Variants in KHK observed in about 807,000 individuals in gnomAD.
The protein encoded by KHK is ketohexokinase, also known as fructokinase.
A neutral mutation model predicts 36.0 loss-of-function variants in KHK; 37 were observed. The observed-to-expected ratio is 1.03, with a 90% confidence interval of 0.79 to 1.35. The LOEUF is 1.35. KHK is among the 40% of genes most tolerant of loss of function. The probability of loss-of-function intolerance (pLI) is 0.00; values close to 1 mark genes in which losing one functional copy is unlikely to be tolerated. For missense variants in KHK, 395 were observed against 391.9 expected (o/e 1.01, Z -0.07); for synonymous variants, 161 against 162.8 (o/e 0.99, Z 0.08).
intron 3 of KHK, 110 bp from the exon 4 acceptor site, chr2:27,096,619 C>A: frequency 1.2e-6 from 1 of 860,666 alleles, no homozygotes; most frequent in South Asian, 1.3e-5. Flanking sequence ...AGCTTCCTGT[C>A]ATGCTGCCAG....
intron 3 of KHK, 123 bp from the exon 4 acceptor site, chr2:27,096,606 T>C: frequency 1.2e-6 from 1 of 803,784 alleles, no homozygotes; most frequent in South Asian, 1.4e-5. Flanking sequence ...GTGCTGTGGA[T>C]CCAGCTTCCT....
chr2:27,094,683 C>T, intron 2 of KHK, 117 bp from the exon 3 acceptor site: 2 of 1,613,192 alleles, frequency 1.2e-6, no homozygotes, highest in Middle Eastern at 1.6e-4. Flanking sequence ...GACTCTTCTT[C>T]TCTTAGAGGC....
intron 5 of KHK, chr2:27,098,920 C>T (rs1670589378): frequency 2.3e-6 from 1 of 438,314 alleles, no homozygotes; most frequent in Non-Finnish European, 4.3e-6. Flanking sequence ...TGCTTCTGGC[C>T]AGGTGCAGTG....
intron 1 of KHK, 33 bp from the exon 2 acceptor site, chr2:27,092,299 T>A (rs1670057595): frequency 6.5e-7 from 1 of 1,540,440 alleles, no homozygotes. Flanking sequence ...ATCAGCCTGC[T>A]GGGGCTGCAG....
chr2:27,091,577 A>C (rs1382808994), intron 1 of KHK, among the ~76,000 whole-genome samples: 4 of 152,200 alleles, frequency 2.6e-5, no homozygotes, highest in South Asian at 2.1e-4. Context: ...AATAGAAATA[A>C]CACCACCATT....
Position 27,094,946 on chromosome 2 carries a change from G to A in KHK, c.344+12G>A, listed in dbSNP as rs201152199. On this transcript the variant is annotated intron_variant, in intron 3 of 7. Transcript: ENST00000260598. ...GTGCTCCATGACACGTAAGGCCCCC[G>A]GGCCTCGCCCTGCTACAACCCACCA... 49 of 1,613,666 alleles carry A rather than the reference G, an allele frequency of 3.0e-5. No homozygotes were observed. Among genetic ancestry groups the A allele is most frequent in the East Asian group, 1.1e-4 (5 of 44,878 alleles).
chr2:27,099,139 G>C, intron 5 of KHK, 57 bp from the exon 6 acceptor site: 11 of 1,508,054 alleles, frequency 7.3e-6, no homozygotes, highest in Non-Finnish European at 9.2e-6. Context: ...ACGCTAGGCT[G>C]CTGTTGGTGA....
intron 2 of KHK, among the ~76,000 whole-genome samples, chr2:27,093,893 T>G (rs764474163): frequency 6.6e-6 from 1 of 152,170 alleles, no homozygotes; most frequent in Non-Finnish European, 1.5e-5. Flanking sequence ...TTCACCTGGC[T>G]GCAGGAGGAC....
At chr2:27,091,596 A>G (rs1029283467) in intron 1 of KHK, among the ~76,000 whole-genome samples, 11 of 152,202 alleles carry the variant, frequency 7.2e-5, no homozygotes, top group Non-Finnish European at 7.3e-5. Flanking sequence ...TTCTTACCTC[A>G]AAGGTAATAA....
chr2:27,097,682 T>C, intron 5 of KHK, 33 bp downstream of exon 5: 1 of 1,613,824 alleles, frequency 6.2e-7, no homozygotes, highest in Non-Finnish European at 8.5e-7. Flanking sequence ...CTTTGCCACT[T>C]CCAGCTAATT....
Position 27,088,626 on chromosome 2 carries a change from G to C in KHK, c.92+1275G>C, listed in dbSNP as rs1305155377. 2.0e-5 allele frequency among the ~76,000 whole-genome samples: 3 copies of C among 151,618 alleles called. No homozygotes were observed. The East Asian group carries it at 5.8e-4, about 29-fold the overall frequency. On this transcript the variant is annotated intron_variant, in intron 1 of 7. Transcript: ENST00000260598. ...ACAGGGCTTTTCTTTGTAAAGACAT[G>C]TTGGCCATGCTGGTCTCAAACTTCT...
chr2:27,097,007 G>C (rs1670395794), intron 4 of KHK, among the ~76,000 whole-genome samples: 1 of 152,238 alleles, frequency 6.6e-6, no homozygotes, highest in Admixed American at 6.5e-5. Context: ...TCACACAGCA[G>C]AACGTAAGCA....
At chr2:27,092,920 C>T (rs765369922) in intron 2 of KHK, among the ~76,000 whole-genome samples, 9 of 152,124 alleles carry the variant, frequency 5.9e-5, no homozygotes. Flanking sequence ...AGTGAGAGTA[C>T]CCTGTTCAAG....
chr2:27,098,577 C>G (rs1445025154), intron 5 of KHK, among the ~76,000 whole-genome samples: 1 of 151,738 alleles, frequency 6.6e-6, no homozygotes, highest in Non-Finnish European at 1.5e-5. Flanking sequence ...GCCCCACCAT[C>G]TTGTTTTTGA....
intron 5 of KHK, 131 bp downstream of exon 5, chr2:27,097,780 G>A (rs1670471697): frequency 1.2e-5 from 16 of 1,334,302 alleles, no homozygotes; most frequent in Non-Finnish European, 1.6e-5. Context: ...GAAGATGGGG[G>A]ATGGGGGTTA....
chr2:27,088,339 T>G (rs1669789095), intron 1 of KHK, among the ~76,000 whole-genome samples: 1 of 152,112 alleles, frequency 6.6e-6, no homozygotes, highest in Admixed American at 6.5e-5. Flanking sequence ...GCTCCTGGGC[T>G]CAAGCAGTCC....
chr2:27,099,635 G>A, intron 7 of KHK, 30 bp from the exon 8 acceptor site: 1 of 1,614,114 alleles, frequency 6.2e-7, no homozygotes, highest in Non-Finnish European at 8.5e-7. Flanking sequence ...CCAAACACCT[G>A]GCTGACCTAG....
Position 27,099,217 on chromosome 2 carries a change from GCC to G in KHK, c.587_588del (p.Ala196GlufsTer31). The G allele has an allele frequency of 1.9e-6, 3 of 1,614,136 alleles. No individual in the cohort carries two copies. In the South Asian group the frequency reaches 3.3e-5, roughly 18 times the overall value. ...GDVVFVSKDV[A>X]KHLGFQSAEE... ...ACAGGTGTTTGTCAGCAAAGATGTG[GCC>G]AAGCACTTGGGGTTCCAGTCAGCAG... On this transcript the variant is annotated frameshift_variant, in exon 6 of 8. Transcript: ENST00000260598. LOFTEE classifies it high-confidence loss of function.
Position 27,097,512 on chromosome 2 carries a change from G to A in KHK, c.427G>A (p.Ala143Thr), listed in dbSNP as rs201014038. 2.2e-5 allele frequency: 36 copies of A among 1,613,622 alleles called. No individual in the cohort carries two copies. Among genetic ancestry groups the A allele is most frequent in the Admixed American group, 1.2e-4 (7 of 60,024 alleles). ...CCCTGTCCTGTACCAGGGCCGGAACGCATCGGAGCAGGTGAAGATGCTGCA... is the reference window on the plus strand; with the variant it reads ...CCCTGTCCTGTACCAGGGCCGGAACACATCGGAGCAGGTGAAGATGCTGCA... Reference protein sequence around the residue: ...FKWIHIEGRNASEQVKMLQRI... With the variant: ...FKWIHIEGRNTSEQVKMLQRI... Residue 143 changes from alanine (A) to threonine (T), a missense_variant, in exon 5 of 8, where the codon GCA (alanine) becomes ACA (threonine). Ala to Thr is a moderately conservative substitution (Grantham distance 58). Coordinates refer to ENST00000260598, the MANE Select transcript of KHK (RefSeq NM_006488.3).
Sources: allele counts gnomAD v4.1 joint callset (sites outside exome capture counted in the v4.1 genomes callset), GRCh38; gene constraint gnomAD v4.1.1; transcripts MANE v1.5; gene names NCBI Gene and HGNC (gene_info 2026-07-23, HGNC 2026-07-21).